SLC24A2: variants seen among roughly 807,000 people sequenced by gnomAD.
SLC24A2 encodes sodium/potassium/calcium exchanger 2.
A neutral mutation model predicts 62.0 loss-of-function variants in SLC24A2; 36 were observed. The ratio of observed to expected loss-of-function variants is 0.58; its 90% CI spans 0.44 to 0.77. The LOEUF (loss-of-function observed/expected upper bound fraction) is 0.77. Among genes scored for constraint, SLC24A2 ranks in the 30% least tolerant of loss-of-function variants. SLC24A2 has a pLI of 0.00. For missense variants in SLC24A2, 846 were observed against 817.9 expected (o/e 1.03, Z -0.42); for synonymous variants, 358 against 294.0 (o/e 1.22, Z -2.23).
At chr9:20,109,526 G>A in the SLC24A2 span, among the ~76,000 whole-genome samples, 1 of 152,178 alleles carries the variant, frequency 6.6e-6, no homozygotes, top group Non-Finnish European at 1.5e-5. Context: ...CCAGCCCCCA[G>A]TAAAAATCCT....
the SLC24A2 span, among the ~76,000 whole-genome samples, chr9:19,806,145 T>C: frequency 1.3e-5 from 2 of 152,268 alleles, no homozygotes; most frequent in South Asian, 2.1e-4. Flanking sequence ...AGGAAAACTT[T>C]AGCAACAAGT....
chr9:19,527,067 A>C (rs977247072), intron 9 of SLC24A2, among the ~76,000 whole-genome samples: 15 of 152,272 alleles, frequency 9.9e-5, no homozygotes, highest in African/African-American at 3.1e-4. Context: ...GCATATGGAA[A>C]TCCAATTATT....
intron 2 of SLC24A2, among the ~76,000 whole-genome samples, chr9:19,728,552 GT>G (rs1821241248): frequency 6.6e-6 from 1 of 152,096 alleles, no homozygotes. Flanking sequence ...ATCTTAACCT[GT>G]CACACCTGTA....
upstream of SLC24A2, among the ~76,000 whole-genome samples, chr9:19,789,188 G>A (rs557866847): frequency 6.6e-6 from 1 of 152,354 alleles, no homozygotes; most frequent in South Asian, 2.1e-4. Flanking sequence ...CAGAGGCGAC[G>A]CTGGCAGCCG....
chr9:20,306,836 A>G, the SLC24A2 span, among the ~76,000 whole-genome samples: 1 of 152,158 alleles, frequency 6.6e-6, no homozygotes, highest in South Asian at 2.1e-4. Flanking sequence ...AGCTGGGATT[A>G]CAGGTGTATG....
the SLC24A2 span, among the ~76,000 whole-genome samples, chr9:19,803,401 G>A: frequency 2.0e-5 from 3 of 152,112 alleles, no homozygotes; most frequent in Non-Finnish European, 4.4e-5. Context: ...ATCTATAAAA[G>A]TATTTTGTTG....
chr9:20,266,431 C>T, the SLC24A2 span, among the ~76,000 whole-genome samples: 1 of 152,160 alleles, frequency 6.6e-6, no homozygotes, highest in African/African-American at 2.4e-5. Context: ...TTCCCTATAG[C>T]TCAAGACCTA....
intron 2 of SLC24A2, among the ~76,000 whole-genome samples, chr9:19,678,885 G>C (rs191812147): frequency 6.6e-6 from 1 of 152,346 alleles, no homozygotes; most frequent in East Asian, 1.9e-4. Flanking sequence ...AAAATGTGGA[G>C]TTGTGAATAG....
intron 2 of SLC24A2, among the ~76,000 whole-genome samples, chr9:19,644,828 T>C (rs1432862516): frequency 6.6e-6 from 1 of 152,210 alleles, no homozygotes; most frequent in Non-Finnish European, 1.5e-5. Flanking sequence ...TTATTATTAA[T>C]GCTACTTTTT....
At chr9:19,819,323 T>C in the SLC24A2 span, among the ~76,000 whole-genome samples, 1 of 152,024 alleles carries the variant, frequency 6.6e-6, no homozygotes, top group East Asian at 1.9e-4. Flanking sequence ...CCAAAGCAAA[T>C]GCAATAAAAG....
chr9:20,145,263 G>C, the SLC24A2 span, among the ~76,000 whole-genome samples: 1 of 152,000 alleles, frequency 6.6e-6, no homozygotes, highest in African/African-American at 2.4e-5. Context: ...TTAAAAGTGG[G>C]CTCGTTGCTC....
chr9:19,686,315 T>A (rs1247508354), intron 2 of SLC24A2, among the ~76,000 whole-genome samples: 1 of 152,134 alleles, frequency 6.6e-6, no homozygotes, highest in Non-Finnish European at 1.5e-5. Context: ...GGTGGAAATG[T>A]TAATTAGTTC....
intron 2 of SLC24A2, among the ~76,000 whole-genome samples, chr9:19,737,083 T>C (rs1356857111): frequency 6.6e-6 from 1 of 152,160 alleles, no homozygotes; most frequent in African/African-American, 2.4e-5. Flanking sequence ...TTGAAGAACA[T>C]GATGGACAAG....
At chr9:20,011,266 C>G in the SLC24A2 span, among the ~76,000 whole-genome samples, 33 of 152,260 alleles carry the variant, frequency 2.2e-4, no homozygotes, top group African/African-American at 7.9e-4. Context: ...TCCTCTCCAG[C>G]ATCTGTTGTT....
intron 2 of SLC24A2, among the ~76,000 whole-genome samples, chr9:19,746,811 G>A (rs115438682): frequency 1.3e-5 from 2 of 152,114 alleles, no homozygotes; most frequent in African/African-American, 4.8e-5. Flanking sequence ...TGATTTATGA[G>A]ACAGCTAGCA....
chr9:20,015,343 T>G, the SLC24A2 span, among the ~76,000 whole-genome samples: 1 of 152,178 alleles, frequency 6.6e-6, no homozygotes, highest in Non-Finnish European at 1.5e-5. Flanking sequence ...TAGATGCAGG[T>G]GCACTGTGTC....
the SLC24A2 span, among the ~76,000 whole-genome samples, chr9:19,948,349 C>T: frequency 6.6e-6 from 1 of 152,220 alleles, no homozygotes; most frequent in Non-Finnish European, 1.5e-5. Flanking sequence ...ATTCAAATCA[C>T]ATCTACTTAG....
the SLC24A2 span, among the ~76,000 whole-genome samples, chr9:20,263,007 G>C: frequency 6.6e-6 from 1 of 152,140 alleles, no homozygotes; most frequent in African/African-American, 2.4e-5. Context: ...AATAAATCAG[G>C]GTGGAATAAA....
the SLC24A2 span, among the ~76,000 whole-genome samples, chr9:20,188,233 C>A: frequency 6.6e-6 from 1 of 152,214 alleles, no homozygotes; most frequent in Non-Finnish European, 1.5e-5. Flanking sequence ...GGATCCAGTG[C>A]TGCTGGACAG....
Sources: allele counts gnomAD v4.1 joint callset (sites outside exome capture counted in the v4.1 genomes callset), GRCh38; gene constraint gnomAD v4.1.1; transcripts MANE v1.5; gene names NCBI Gene and HGNC (gene_info 2026-07-23, HGNC 2026-07-21).